TAFA4: variants seen among roughly 807,000 people sequenced by gnomAD.
TAFA4 encodes the protein chemokine-like protein TAFA-4.
Under a neutral mutation model 21.1 loss-of-function variants are expected in TAFA4, and 20 were observed. The ratio of observed to expected loss-of-function variants is 0.95; its 90% confidence interval spans 0.67 to 1.38. TAFA4 has a LOEUF of 1.38. Among genes scored for constraint, TAFA4 ranks in the 40% most tolerant of loss-of-function variants. TAFA4 has a pLI of 0.00. For synonymous variants in TAFA4, 71 were observed against 67.4 expected (o/e 1.05, Z -0.26); for missense variants, 211 against 180.9 (o/e 1.17, Z -0.95).
intron 3 of TAFA4, among the ~76,000 whole-genome samples, chr3:68,829,634 T>C (rs543385377): frequency 1.3e-5 from 2 of 152,328 alleles, no homozygotes; most frequent in South Asian, 4.1e-4. Context: ...ATCAAGGATA[T>C]TGGTATAAAA....
At chr3:68,860,126 T>C (rs1404034540) in intron 3 of TAFA4, among the ~76,000 whole-genome samples, 1 of 152,128 alleles carries the variant, frequency 6.6e-6, no homozygotes. Flanking sequence ...TAATTGTTTA[T>C]CGACTTCCTT....
At chr3:68,846,564 C>T (rs1001869131) in intron 3 of TAFA4, among the ~76,000 whole-genome samples, 7 of 152,044 alleles carry the variant, frequency 4.6e-5, no homozygotes, top group African/African-American at 1.4e-4. Context: ...CCGTTGCTGG[C>T]AAGGAGTTGT....
At position 68,870,237 on chromosome 3, in the gene TAFA4, GT is replaced by G. The variant is rs894084796; in HGVS notation, c.130+10492del. Among the ~76,000 whole-genome samples the G allele has an allele frequency of 7.9e-5, 12 of 152,002 alleles. 1 individual carries two copies. Reference sequence around the variant, plus strand: ...AAAAGAAACACGCCTATACTCATGGGTTAGAAGAATTAATATTGTTAAAATG... The same window carrying G: ...AAAAGAAACACGCCTATACTCATGGGTAGAAGAATTAATATTGTTAAAATG... On this transcript the variant is annotated intron_variant, in intron 3 of 5. Coordinates refer to ENST00000295569, the MANE Select transcript of TAFA4 (RefSeq NM_182522.5).
chr3:68,814,430 C>T (rs1227831285), intron 3 of TAFA4, among the ~76,000 whole-genome samples: 1 of 152,072 alleles, frequency 6.6e-6, no homozygotes, highest in East Asian at 1.9e-4. Context: ...ATTGTCTCAG[C>T]CCAAAATCTC....
At chr3:68,925,954 G>A (rs755240748) in intron 1 of TAFA4, among the ~76,000 whole-genome samples, 6 of 152,144 alleles carry the variant, frequency 3.9e-5, no homozygotes, top group Admixed American at 6.5e-5. Flanking sequence ...GGTCTAAGCC[G>A]GGCACAGTGG....
chr3:68,765,148 A>C (rs557627498), intron 3 of TAFA4, among the ~76,000 whole-genome samples: 9 of 152,326 alleles, frequency 5.9e-5, no homozygotes, highest in Non-Finnish European at 1.2e-4. Context: ...AGTCCTTATA[A>C]GTCCTTTTCA....
chr3:68,909,832 C>T (rs141038391), intron 1 of TAFA4, among the ~76,000 whole-genome samples: 5 of 152,178 alleles, frequency 3.3e-5, no homozygotes, highest in Admixed American at 6.5e-5. Context: ...CGGAAGCCTG[C>T]GTGTGGCTTA....
intron 4 of TAFA4, among the ~76,000 whole-genome samples, chr3:68,746,806 T>G (rs1217021323): frequency 1.3e-5 from 2 of 152,190 alleles, no homozygotes; most frequent in African/African-American, 2.4e-5. Context: ...CTCTACTAAA[T>G]GCAGACCCAC....
At chr3:68,805,503 C>CA (rs1703675237) in intron 3 of TAFA4, among the ~76,000 whole-genome samples, 1 of 152,290 alleles carries the variant, frequency 6.6e-6, no homozygotes, top group Admixed American at 6.5e-5. Context: ...GACACATGCA[C>CA]ACGTATGTTT....
chr3:68,914,472 G>T (rs2089986114), intron 1 of TAFA4, among the ~76,000 whole-genome samples: 1 of 152,112 alleles, frequency 6.6e-6, no homozygotes. Flanking sequence ...TGCACCTCAA[G>T]TTTTTTAATT....
chr3:68,737,941 C>T (rs983695074), intron 5 of TAFA4, among the ~76,000 whole-genome samples: 2 of 152,114 alleles, frequency 1.3e-5, no homozygotes, highest in African/African-American at 4.8e-5. Context: ...ATTTTTCATT[C>T]AAGAAATAGT....
chr3:68,779,562 A>C (rs1003932241), intron 3 of TAFA4, among the ~76,000 whole-genome samples: 1 of 152,282 alleles, frequency 6.6e-6, no homozygotes. Flanking sequence ...GCCATGACTC[A>C]AGGGGCCAAA....
chr3:68,836,345 G>T lies in TAFA4; in HGVS notation c.130+44385C>A, dbSNP rs147551801. On this transcript the variant is annotated intron_variant, in intron 3 of 5. Coordinates refer to ENST00000295569, the MANE Select transcript of TAFA4 (RefSeq NM_182522.5). ...AGAGTGGTGGCTCAAAATTAACAGGGGATAATAGCTGTTTGAAACCACAAG... is the reference window on the plus strand; with the variant it reads ...AGAGTGGTGGCTCAAAATTAACAGGTGATAATAGCTGTTTGAAACCACAAG... 2.1e-3 allele frequency among the ~76,000 whole-genome samples: 325 copies of T among 152,246 alleles called. 5 individuals are homozygous for T. The highest frequency in any genetic ancestry group is 7.4e-3 in the African/African-American group (309 of 41,538).
intron 3 of TAFA4, among the ~76,000 whole-genome samples, chr3:68,821,344 T>TATA (rs1167051234): frequency 2.3e-4 from 3 of 13,166 alleles, no homozygotes; most frequent in Non-Finnish European, 3.8e-4. Flanking sequence ...TTTTTTTTTT[T>TATA]TTTTTTTTTT....
intron 3 of TAFA4, among the ~76,000 whole-genome samples, chr3:68,800,502 T>G (rs1020702841): frequency 2.6e-5 from 4 of 152,220 alleles, no homozygotes; most frequent in African/African-American, 9.7e-5. Context: ...ATCAAACTTG[T>G]CGAAACAGAT....
chr3:68,902,612 C>T (rs1356634893), intron 1 of TAFA4, among the ~76,000 whole-genome samples: 1 of 152,196 alleles, frequency 6.6e-6, no homozygotes, highest in Non-Finnish European at 1.5e-5. Flanking sequence ...AAGCAATCCA[C>T]CTACCACAGG....
chr3:68,848,789 C>T (rs943638307), intron 3 of TAFA4, among the ~76,000 whole-genome samples: 7 of 152,148 alleles, frequency 4.6e-5, no homozygotes, highest in Non-Finnish European at 1.0e-4. Flanking sequence ...TCTGCCATGT[C>T]CTCCAGCATG....
chr3:68,914,999 C>G (rs770183826), intron 1 of TAFA4, among the ~76,000 whole-genome samples: 5 of 152,174 alleles, frequency 3.3e-5, no homozygotes, highest in African/African-American at 4.8e-5. Flanking sequence ...ATAACAGTAG[C>G]TATAACAGAG....
chr3:68,758,474 C>T (rs1702700760), intron 3 of TAFA4, among the ~76,000 whole-genome samples: 1 of 152,174 alleles, frequency 6.6e-6, no homozygotes. Flanking sequence ...CCCCTGCACA[C>T]ACTCTTGCCT....
Sources: allele counts gnomAD v4.1 joint callset (sites outside exome capture counted in the v4.1 genomes callset), GRCh38; gene constraint gnomAD v4.1.1; transcripts MANE v1.5; gene names NCBI Gene and HGNC (gene_info 2026-07-23, HGNC 2026-07-21).